The following PACRG variants were observed in gnomAD, a reference collection of about 807,000 sequenced individuals.
PACRG encodes the protein parkin coregulated.
In PACRG, 29 loss-of-function variants were observed where a neutral mutation model predicts 29.7. That is an observed-to-expected ratio of 0.98 (90% CI 0.73 to 1.33). The LOEUF (loss-of-function observed/expected upper bound fraction) is 1.33, where lower values mean the gene tolerates loss of function less well. Ranked by LOEUF, PACRG falls within the 40% of genes most tolerant of loss-of-function variation. PACRG has a pLI of 0.00. For synonymous variants in PACRG, 116 were observed against 118.7 expected (o/e 0.98, Z 0.15); for missense variants, 279 against 316.2 (o/e 0.88, Z 0.89).
At chr6:163,113,907 T>C (rs983604309) in intron 4 of PACRG, among the ~76,000 whole-genome samples, 51 of 152,228 alleles carry the variant, frequency 3.4e-4, no homozygotes, top group African/African-American at 1.2e-3. Flanking sequence ...CTACATTATT[T>C]AACCTATTAA....
intron 4 of PACRG, among the ~76,000 whole-genome samples, chr6:163,206,203 C>T (rs1180036320): frequency 1.3e-5 from 2 of 152,074 alleles, no homozygotes; most frequent in African/African-American, 2.4e-5. Context: ...CAGCAATCTC[C>T]TTATTGGGTA....
rs1783663861 is a variant in PACRG at position 163,269,757 on chromosome 6, A to C, written c.614-45070A>C. Among the ~76,000 whole-genome samples, 3 of 79,114 alleles carry C rather than the reference A, an allele frequency of 3.8e-5. 1 individual carries two copies. The highest frequency in any genetic ancestry group is 1.2e-4 in the Admixed American group (1 of 8,402). The allele number at this position is 79,114 out of a possible 152,430, so 51.9% of individuals were successfully genotyped here. On this transcript the variant is annotated intron_variant, in intron 4 of 4. Transcript: ENST00000366888. ...CTGAGGGGGAAAAGAAGAAAGAGAG[A>C]GAGAGAGACAGACAGACAGACAGAC... is the stretch of plus-strand genomic sequence containing the variant.
At position 162,728,246 on chromosome 6, in the gene PACRG, A is replaced by G. The variant is rs760831888; in HGVS notation, c.11A>G (p.Glu4Gly). 1 of 1,613,240 alleles carries G rather than the reference A, an allele frequency of 6.2e-7. No homozygotes were observed. Among genetic ancestry groups the G allele is most frequent in the African/African-American group, 1.3e-5 (1 of 74,906 alleles). The change falls in exon 1 of 5, where the codon GAA (glutamate) becomes GGA (glycine). Residue 4 changes from glutamate (E) to glycine (G), a missense_variant. Coordinates refer to ENST00000366888, the MANE Select transcript of PACRG (RefSeq NM_001080379.2). MVA[E>G]KETLSLNKCP... ...ACATTTTCTAGGAAGATGGTGGCAGAAAAAGAGACCCTGAGCTTAAACAAA... is the reference window on the plus strand; with the variant it reads ...ACATTTTCTAGGAAGATGGTGGCAGGAAAAGAGACCCTGAGCTTAAACAAA...
At chr6:163,099,834 A>G (rs1379724170) in intron 4 of PACRG, among the ~76,000 whole-genome samples, 1 of 152,152 alleles carries the variant, frequency 6.6e-6, no homozygotes, top group Non-Finnish European at 1.5e-5. Context: ...AGGGGTGGGT[A>G]GTGAGGGTGA....
chr6:163,264,514 G>A (rs1207664762), intron 4 of PACRG, among the ~76,000 whole-genome samples: 3 of 152,234 alleles, frequency 2.0e-5, no homozygotes, highest in Admixed American at 1.3e-4. Flanking sequence ...GGTGCCAGCC[G>A]AAGTCGTTCA....
intron 2 of PACRG, among the ~76,000 whole-genome samples, chr6:162,989,781 A>G (rs1414196854): frequency 6.8e-6 from 1 of 147,712 alleles, no homozygotes; most frequent in East Asian, 2.0e-4. Flanking sequence ...GTACATGTGC[A>G]CATTGTGCAG....
chr6:162,809,101 T>G (rs888344606), intron 1 of PACRG, among the ~76,000 whole-genome samples: 1 of 152,090 alleles, frequency 6.6e-6, no homozygotes. Context: ...TCTATAAAGC[T>G]TAGGTGGTTA....
At chr6:163,081,939 A>T (rs1813124749) in intron 3 of PACRG, among the ~76,000 whole-genome samples, 1 of 152,220 alleles carries the variant, frequency 6.6e-6, no homozygotes, top group South Asian at 2.1e-4. Flanking sequence ...AAAAGGAGAG[A>T]TAAATATTAG....
intron 4 of PACRG, among the ~76,000 whole-genome samples, chr6:163,127,278 T>C (rs891751955): frequency 1.3e-5 from 2 of 152,260 alleles, no homozygotes; most frequent in Non-Finnish European, 2.9e-5. Context: ...GTTTCAATTA[T>C]GACATTTTGT....
At chr6:162,814,075 G>T (rs919619236) in intron 1 of PACRG, 72 bp from the exon 2 acceptor site, 1 of 1,449,150 alleles carries the variant, frequency 6.9e-7, no homozygotes, top group African/African-American at 1.4e-5. Flanking sequence ...TTTAAAAACA[G>T]AAAGTTCTTT....
At chr6:162,935,392 C>CTT (rs79058842) in intron 2 of PACRG, among the ~76,000 whole-genome samples, 4 of 124,058 alleles carry the variant, frequency 3.2e-5, no homozygotes, top group South Asian at 2.5e-4. Context: ...CTGTTTTATT[C>CTT]TTTTTTTTTT....
chr6:163,005,887 T>G (rs1462548723), intron 2 of PACRG, among the ~76,000 whole-genome samples: 1 of 147,974 alleles, frequency 6.8e-6, no homozygotes, highest in East Asian at 2.0e-4. Context: ...GTTATATATA[T>G]ACAACGTAGT....
At chr6:162,886,840 A>T (rs1794372211) in intron 2 of PACRG, among the ~76,000 whole-genome samples, 1 of 152,144 alleles carries the variant, frequency 6.6e-6, no homozygotes, top group Admixed American at 6.5e-5. Context: ...TAATTTTTTA[A>T]ATTTAAATAA....
At chr6:162,883,684 C>CTGTGTGTGTGTGTGTG (rs144543802) in intron 2 of PACRG, among the ~76,000 whole-genome samples, 2 of 145,742 alleles carry the variant, frequency 1.4e-5, no homozygotes, top group South Asian at 2.3e-4. Flanking sequence ...TTTTCAAAAA[C>CTGTGTGTGTGTGTGTG]TGTGTGTGTG....
chr6:162,734,964 A>G (rs980074555), intron 1 of PACRG, among the ~76,000 whole-genome samples: 1 of 152,194 alleles, frequency 6.6e-6, no homozygotes, highest in African/African-American at 2.4e-5. Context: ...CTGTTTTTGT[A>G]CTTCTATACA....
At chr6:162,944,624 A>T (rs1798868711) in intron 2 of PACRG, among the ~76,000 whole-genome samples, 1 of 152,174 alleles carries the variant, frequency 6.6e-6, no homozygotes, top group African/African-American at 2.4e-5. Context: ...AGAGATAGAT[A>T]TTATAAAAAG....
chr6:163,164,951 A>G (rs1778728140), intron 4 of PACRG, among the ~76,000 whole-genome samples: 2 of 149,924 alleles, frequency 1.3e-5, no homozygotes, highest in African/African-American at 4.9e-5. Flanking sequence ...GATGCTGGAC[A>G]AGGGTTTGCA....
At chr6:163,078,795 CCA>C (rs1382051071) in intron 3 of PACRG, among the ~76,000 whole-genome samples, 2 of 152,158 alleles carry the variant, frequency 1.3e-5, no homozygotes, top group Middle Eastern at 3.2e-3. Flanking sequence ...CCGTGAAACC[CCA>C]CTTCATCACT....
At chr6:163,037,777 G>T (rs1228153344) in intron 2 of PACRG, among the ~76,000 whole-genome samples, 2 of 152,162 alleles carry the variant, frequency 1.3e-5, no homozygotes, top group Non-Finnish European at 2.9e-5. Flanking sequence ...GGAGGGGAGG[G>T]TCTGGGACTG....
Sources: gnomAD v4.1 joint callset for allele counts (sites outside exome capture counted in the v4.1 genomes callset) on GRCh38, gnomAD v4.1.1 for gene constraint, MANE v1.5 for transcripts, NCBI Gene and HGNC (gene_info 2026-07-23, HGNC 2026-07-21) for gene names.